SPAG16: variants seen among roughly 807,000 people sequenced by gnomAD.
SPAG16 encodes the protein sperm-associated antigen 16 protein.
Under a neutral mutation model 80.4 loss-of-function variants are expected in SPAG16, and 86 were observed. The ratio of observed to expected loss-of-function variants is 1.07; its 90% CI spans 0.90 to 1.28. The LOEUF (loss-of-function observed/expected upper bound fraction) is 1.28, where lower values mean the gene tolerates loss of function less well. SPAG16 is among the 50% of genes most tolerant of loss of function. SPAG16 has a pLI of 0.00. For synonymous variants in SPAG16, 294 were observed against 265.9 expected, an observed-to-expected ratio of 1.11 and a Z score of -1.03; for missense variants, 870 against 765.3, an observed-to-expected ratio of 1.14 and a Z score of -1.61.
intron 10 of SPAG16, among the ~76,000 whole-genome samples, chr2:213,694,800 C>G (rs766651826): frequency 6.6e-6 from 1 of 151,388 alleles, no homozygotes; most frequent in Non-Finnish European, 1.5e-5. Flanking sequence ...TCCTTCTACT[C>G]TCCCTTGCCT....
chr2:213,719,808 A>G (rs565605082), intron 10 of SPAG16, among the ~76,000 whole-genome samples: 1 of 152,154 alleles, frequency 6.6e-6, no homozygotes, highest in Non-Finnish European at 1.5e-5. Context: ...AACCAGAAAT[A>G]CCATTTGACC....
At chr2:214,366,230 C>G (rs1699471409) in intron 15 of SPAG16, among the ~76,000 whole-genome samples, 1 of 152,196 alleles carries the variant, frequency 6.6e-6, no homozygotes. Context: ...CCTGCCTCAG[C>G]TTCCCAAAGT....
At chr2:213,396,713 T>G (rs2068053653) in intron 9 of SPAG16, 1 of 447,254 alleles carries the variant, frequency 2.2e-6, no homozygotes, top group Non-Finnish European at 4.5e-6. Flanking sequence ...CTTCAGGACA[T>G]TTGTCAGCAG....
chr2:213,846,390 A>C (rs2074628599), intron 10 of SPAG16, among the ~76,000 whole-genome samples: 1 of 152,036 alleles, frequency 6.6e-6, no homozygotes, highest in South Asian at 2.1e-4. Context: ...CTCCTCTTAG[A>C]ATAAGATGTA....
intron 10 of SPAG16, among the ~76,000 whole-genome samples, chr2:213,833,912 A>G (rs2073939622): frequency 6.6e-6 from 1 of 151,742 alleles, no homozygotes; most frequent in Non-Finnish European, 1.5e-5. Flanking sequence ...GACAGATGAT[A>G]TGGTTTGGCT....
intron 10 of SPAG16, among the ~76,000 whole-genome samples, chr2:213,815,578 A>G (rs1315707528): frequency 1.3e-5 from 2 of 152,126 alleles, no homozygotes; most frequent in African/African-American, 2.4e-5. Context: ...TTAATAAAAC[A>G]AAACCACAAT....
intron 12 of SPAG16, among the ~76,000 whole-genome samples, chr2:213,941,913 C>T (rs529311187): frequency 6.6e-6 from 1 of 152,160 alleles, no homozygotes; most frequent in Non-Finnish European, 1.5e-5. Context: ...CAACAACTTT[C>T]AAGTCTTAAT....
At chr2:213,681,025 C>A (rs6755585) in intron 10 of SPAG16, among the ~76,000 whole-genome samples, 1 of 151,968 alleles carries the variant, frequency 6.6e-6, no homozygotes, top group African/African-American at 2.4e-5. Context: ...AGAGGAATCT[C>A]TCAGATAGCT....
rs185776243 is a variant in SPAG16 at position 213,391,971 on chromosome 2, C to A, written c.942+16852C>A. Among the ~76,000 whole-genome samples the A allele has an allele frequency of 1.7e-3, 256 of 152,264 alleles. 1 individual carries two copies. Among genetic ancestry groups the A allele is most frequent in the African/African-American group, 5.8e-3 (240 of 41,540 alleles). On this transcript the variant is annotated intron_variant, in intron 9 of 15. Coordinates refer to ENST00000331683, the MANE Select transcript of SPAG16 (RefSeq NM_024532.5). ...TTACATATTTAAAAGTGCTTCTGTG[C>A]TCATAAAACCTGTACACAACTCTCA...
At chr2:214,382,565 T>C (rs1420436100) in intron 15 of SPAG16, among the ~76,000 whole-genome samples, 3 of 152,140 alleles carry the variant, frequency 2.0e-5, no homozygotes, top group African/African-American at 4.8e-5. Context: ...CTTGAAAAGA[T>C]AATAGTGGTG....
chr2:213,305,909 G>A (rs1468053640), intron 3 of SPAG16, among the ~76,000 whole-genome samples: 2 of 152,128 alleles, frequency 1.3e-5, no homozygotes, highest in African/African-American at 4.8e-5. Flanking sequence ...AAAAGTTTGA[G>A]TAGGGTTGGA....
intron 6 of SPAG16, among the ~76,000 whole-genome samples, chr2:213,346,289 A>G (rs2064984871): frequency 6.6e-6 from 1 of 152,138 alleles, no homozygotes; most frequent in East Asian, 1.9e-4. Context: ...GGGCTGAGAC[A>G]GTGGGGTTTT....
At chr2:214,176,203 T>C (rs12991052) in intron 15 of SPAG16, among the ~76,000 whole-genome samples, 45,160 of 150,918 alleles carry the variant, frequency 0.3, 8,451 homozygotes, top group Non-Finnish European at 0.42. Flanking sequence ...AATAACTATG[T>C]GGTGAAATGG....
chr2:213,614,133 G>T (rs1314502240), intron 10 of SPAG16, among the ~76,000 whole-genome samples: 1 of 152,150 alleles, frequency 6.6e-6, no homozygotes, highest in Non-Finnish European at 1.5e-5. Flanking sequence ...GTTGGCTGGG[G>T]TGTGTGTATG....
At chr2:214,145,689 C>T (rs2055602815) in intron 14 of SPAG16, among the ~76,000 whole-genome samples, 1 of 152,116 alleles carries the variant, frequency 6.6e-6, no homozygotes, top group East Asian at 1.9e-4. Flanking sequence ...TACCCTTTGT[C>T]CACTTGGCTA....
intron 13 of SPAG16, among the ~76,000 whole-genome samples, chr2:214,082,590 C>T (rs969176451): frequency 3.3e-5 from 5 of 152,232 alleles, no homozygotes; most frequent in South Asian, 2.1e-4. Flanking sequence ...TCACACTGTT[C>T]GTCTTTTCAT....
intron 10 of SPAG16, among the ~76,000 whole-genome samples, chr2:213,833,456 A>AT (rs34070679): frequency 0.7 from 4,742 of 6,768 alleles, 1,597 homozygotes; most frequent in Middle Eastern, 0.83. Context: ...TATATATATT[A>AT]TATATATATT....
chr2:213,505,302 ATTT>A (rs570097398), intron 10 of SPAG16, among the ~76,000 whole-genome samples: 1 of 151,414 alleles, frequency 6.6e-6, no homozygotes, highest in African/African-American at 2.4e-5. Flanking sequence ...TGTGGACACA[ATTT>A]TTTTTTACCT....
intron 11 of SPAG16, among the ~76,000 whole-genome samples, chr2:213,880,463 C>T (rs972402040): frequency 2.6e-5 from 4 of 152,074 alleles, no homozygotes; most frequent in Admixed American, 6.6e-5. Flanking sequence ...TTTTGCTGTG[C>T]AGATCTTTAG....
Sources: allele counts gnomAD v4.1 joint callset (sites outside exome capture counted in the v4.1 genomes callset), GRCh38; gene constraint gnomAD v4.1.1; transcripts MANE v1.5; gene names NCBI Gene and HGNC (gene_info 2026-07-23, HGNC 2026-07-21).